The following PRKAR1B variants were observed in gnomAD, a reference collection of about 807,000 sequenced individuals.
The protein encoded by PRKAR1B is protein kinase cAMP-dependent type I regulatory subunit beta.
Under a neutral mutation model 46.5 loss-of-function variants are expected in PRKAR1B, and 22 were observed. The observed-to-expected ratio is 0.47, with a 90% CI of 0.34 to 0.68. The LOEUF is 0.68. Ranked by LOEUF, PRKAR1B falls within the 30% of genes least tolerant of loss-of-function variation. The probability of loss-of-function intolerance (pLI) is 0.01; values close to 1 mark genes in which losing one functional copy is unlikely to be tolerated. For synonymous variants in PRKAR1B, 259 were observed against 217.7 expected, an observed-to-expected ratio of 1.19 and a Z score of -1.67; for missense variants, 445 against 535.6, an observed-to-expected ratio of 0.83 and a Z score of 1.67.
intron 2 of PRKAR1B, among the ~76,000 whole-genome samples, chr7:702,957 T>A (rs1298811048): frequency 3.3e-5 from 5 of 151,944 alleles, no homozygotes; most frequent in African/African-American, 1.2e-4. Context: ...GTGGATAATC[T>A]AAACACACCA....
rs559431151 is a variant in PRKAR1B, at chr7:632,644, C to T, written c.441-25192G>A. ...CACTGCGGCCCTCATGATGCTGCTG[C>T]GTGTCTGCTCTGCAGGGCACAGGGC... On this transcript the variant is annotated intron_variant, in intron 4 of 10. Coordinates refer to ENST00000537384, the MANE Select transcript of PRKAR1B (RefSeq NM_001164760.2). Among the ~76,000 whole-genome samples the T allele has an allele frequency of 2.8e-4, 42 of 152,334 alleles. No homozygotes were observed. In the South Asian group the frequency reaches 8.5e-3, roughly 31 times the overall value.
At chr7:556,935 G>C (rs2128422296) in intron 9 of PRKAR1B, among the ~76,000 whole-genome samples, 1 of 152,310 alleles carries the variant, frequency 6.6e-6, no homozygotes, top group East Asian at 1.9e-4. Context: ...CCCGTGCAAA[G>C]CTACCAAGTT....
chr7:708,307 C>G (rs1365905328), intron 2 of PRKAR1B, among the ~76,000 whole-genome samples: 2 of 152,182 alleles, frequency 1.3e-5, no homozygotes, highest in African/African-American at 4.8e-5. Flanking sequence ...GCCTCCAGAA[C>G]TGTGGGAGGA....
chr7:568,014 G>T (rs150239182), intron 9 of PRKAR1B, among the ~76,000 whole-genome samples: 1 of 152,158 alleles, frequency 6.6e-6, no homozygotes, highest in Non-Finnish European at 1.5e-5. Context: ...CCTAGAAATG[G>T]TCATGATGGT....
chr7:718,584 T>C (rs542493401), intron 1 of PRKAR1B, among the ~76,000 whole-genome samples: 3 of 152,028 alleles, frequency 2.0e-5, no homozygotes, highest in Non-Finnish European at 4.4e-5. Context: ...CTCGAACTCC[T>C]GACCTCAGGT....
In PRKAR1B at chr7:620,950, C is replaced by T. The variant is rs529987131; in HGVS notation, c.441-13498G>A. On this transcript the variant is annotated intron_variant, in intron 4 of 10. Coordinates refer to ENST00000537384, the MANE Select transcript of PRKAR1B (RefSeq NM_001164760.2). ...ACCTTTACCAAGTTAAGAAGTGACC[C>T]TATTCTTAGTTTGCTAAGAATTTAT... 3.3e-5 allele frequency among the ~76,000 whole-genome samples: 5 copies of T among 152,340 alleles called. No homozygotes were observed. The South Asian group carries it at 1.0e-3, about 32-fold the overall frequency.
intron 4 of PRKAR1B, among the ~76,000 whole-genome samples, chr7:639,971 T>C (rs984304709): frequency 6.6e-6 from 1 of 151,794 alleles, no homozygotes. Flanking sequence ...GAGACCAGCC[T>C]GGCCAACATG....
chr7:653,511 C>T (rs1785022314), intron 4 of PRKAR1B, among the ~76,000 whole-genome samples: 1 of 152,184 alleles, frequency 6.6e-6, no homozygotes, highest in Non-Finnish European at 1.5e-5. Context: ...CTAAGCAAGG[C>T]CACCTGGCCA....
At position 594,326 on chromosome 7, in the gene PRKAR1B, G is replaced by A. The variant is rs940013006; in HGVS notation, c.708+1820C>T. Among the ~76,000 whole-genome samples, 7 of 152,228 alleles carry A rather than the reference G, an allele frequency of 4.6e-5. No individual in the cohort carries two copies. In the South Asian group the frequency reaches 8.3e-4, roughly 18 times the overall value. On this transcript the variant is annotated intron_variant, in intron 7 of 10. Coordinates refer to ENST00000537384, the MANE Select transcript of PRKAR1B (RefSeq NM_001164760.2). ...GGATGGAGGAGAGGCCGAGGACCCC[G>A]GCAACACCCACCTGGCTCAACCCCT...
chr7:688,461 A>G (rs1006589829), intron 2 of PRKAR1B, among the ~76,000 whole-genome samples: 2 of 150,916 alleles, frequency 1.3e-5, no homozygotes, highest in Non-Finnish European at 2.9e-5. Context: ...GAACCCTCCA[A>G]TGGCCTCCGA....
chr7:627,916 C>G (rs765911479), intron 4 of PRKAR1B, among the ~76,000 whole-genome samples: 6 of 152,188 alleles, frequency 3.9e-5, no homozygotes, highest in Non-Finnish European at 7.3e-5. Context: ...GGGGCACACA[C>G]AGCCCCTGTC....
At chr7:576,098 C>T (rs1010494985) in intron 9 of PRKAR1B, among the ~76,000 whole-genome samples, 15 of 151,208 alleles carry the variant, frequency 9.9e-5, no homozygotes, top group Admixed American at 2.0e-4. Flanking sequence ...TGGGCGTGCA[C>T]GCTGGCATAG....
At chr7:568,226 G>A (rs145854875) in intron 9 of PRKAR1B, among the ~76,000 whole-genome samples, 3 of 152,048 alleles carry the variant, frequency 2.0e-5, no homozygotes, top group East Asian at 1.9e-4. Context: ...GGCCCCACAC[G>A]TTTCCCACCC....
chr7:672,805 T>C (rs1171625803), intron 4 of PRKAR1B, among the ~76,000 whole-genome samples: 1 of 151,822 alleles, frequency 6.6e-6, no homozygotes, highest in African/African-American at 2.4e-5. Context: ...AGGCGGACAT[T>C]GCAGTGAGCC....
chr7:569,101 C>A lies in PRKAR1B; in HGVS notation c.891+10155G>T, dbSNP rs534639935. 4.6e-5 allele frequency among the ~76,000 whole-genome samples: 7 copies of A among 151,736 alleles called. No individual in the cohort carries two copies. In the South Asian group the frequency reaches 1.3e-3, roughly 27 times the overall value. ...AAAAATCAGAGAGAAAATATCAAGG[C>A]AAAGGCACTTGTCAAAGGAACCACA... On this transcript the variant is annotated intron_variant, in intron 9 of 10. Coordinates refer to ENST00000537384, the MANE Select transcript of PRKAR1B (RefSeq NM_001164760.2).
At position 560,383 on chromosome 7, in the gene PRKAR1B, T is replaced by C. The variant is rs1778710457; in HGVS notation, c.892-8913A>G. Among the ~76,000 whole-genome samples the C allele has an allele frequency of 7.3e-6, 1 of 136,596 alleles. No individual in the cohort carries two copies. The highest frequency in any genetic ancestry group is 7.3e-5 in the Admixed American group (1 of 13,724). The allele number at this position is 136,596 out of a possible 152,430, so 89.6% of individuals were successfully genotyped here. A position where few individuals can be genotyped will look rare whatever the true frequency, so the allele number is the denominator to read the frequency against. On this transcript the variant is annotated intron_variant, in intron 9 of 10. Coordinates refer to ENST00000537384, the MANE Select transcript of PRKAR1B (RefSeq NM_001164760.2). The surrounding 1 kb of genome is among the most constrained non-coding windows in gnomAD (Gnocchi z 4.2). ...CAAATAATAATAATAATAATAATAA[T>C]AATAATAAATATATTTTAAAAGAAA... is the stretch of plus-strand genomic sequence containing the variant.
At chr7:646,004 G>A (rs1583350477) in intron 4 of PRKAR1B, among the ~76,000 whole-genome samples, 1 of 152,188 alleles carries the variant, frequency 6.6e-6, no homozygotes, top group Non-Finnish European at 1.5e-5. Flanking sequence ...TGAGATTCCG[G>A]CTCCTTCGTC....
At chr7:580,891 C>T (rs1297129448) in intron 8 of PRKAR1B, among the ~76,000 whole-genome samples, 1 of 152,124 alleles carries the variant, frequency 6.6e-6, no homozygotes, top group Non-Finnish European at 1.5e-5. Flanking sequence ...TCCCTGTCGG[C>T]GCCGTAGGTT....
chr7:689,354 C>T (rs1193603723), intron 2 of PRKAR1B, among the ~76,000 whole-genome samples: 2 of 152,074 alleles, frequency 1.3e-5, no homozygotes, highest in Non-Finnish European at 2.9e-5. Context: ...ATCTCCTGAC[C>T]TTGTGATCCA....
Sources: gnomAD v4.1 joint callset for allele counts (sites outside exome capture counted in the v4.1 genomes callset) on GRCh38, gnomAD v4.1.1 for gene constraint, Gnocchi (gnomAD v3.1) non-coding constraint, MANE v1.5 for transcripts, NCBI Gene and HGNC (gene_info 2026-07-23, HGNC 2026-07-21) for gene names.